GNG4: variants seen among roughly 807,000 people sequenced by gnomAD.
The protein encoded by GNG4 is G protein subunit gamma 4.
In GNG4, 4 loss-of-function variants were observed where a neutral mutation model predicts 5.8. The observed-to-expected ratio is 0.69, with a 90% CI of 0.34 to 1.57. GNG4 has a LOEUF of 1.57. Ranked by LOEUF, GNG4 falls within the 40% of genes most tolerant of loss-of-function variation. The pLI, the probability that GNG4 is intolerant of heterozygous loss-of-function variation, is 0.06. For synonymous variants in GNG4, 29 were observed against 32.9 expected, an observed-to-expected ratio of 0.88 and a Z score of 0.41; for missense variants, 96 against 95.1, an observed-to-expected ratio of 1.01 and a Z score of -0.04.
At chr1:235,624,462 A>G (rs895754612) in intron 1 of GNG4, among the ~76,000 whole-genome samples, 13 of 152,182 alleles carry the variant, frequency 8.5e-5, no homozygotes, top group African/African-American at 3.1e-4. Flanking sequence ...CTATTTTTAC[A>G]AAGTAGAAAG....
intron 2 of GNG4, among the ~76,000 whole-genome samples, chr1:235,585,201 T>C (rs1467542481): frequency 6.7e-6 from 1 of 148,758 alleles, no homozygotes; most frequent in Non-Finnish European, 1.5e-5. Flanking sequence ...CTATGCTTCT[T>C]TTTCCTTTTC....
chr1:235,617,878 C>G (rs1398154381), intron 1 of GNG4, among the ~76,000 whole-genome samples: 1 of 140,352 alleles, frequency 7.1e-6, no homozygotes, highest in African/African-American at 2.6e-5. Flanking sequence ...GAGTGAGACT[C>G]TGCCTCTATC....
At chr1:235,603,598 T>C (rs913892042) in intron 1 of GNG4, among the ~76,000 whole-genome samples, 5 of 152,198 alleles carry the variant, frequency 3.3e-5, no homozygotes, top group African/African-American at 1.2e-4. Context: ...AGTACTGTGA[T>C]AGGCAAGCTT....
At chr1:235,558,378 C>T (rs1284135201) in intron 3 of GNG4, among the ~76,000 whole-genome samples, 1 of 152,288 alleles carries the variant, frequency 6.6e-6, no homozygotes, top group East Asian at 1.9e-4. Context: ...CCTATATAAC[C>T]TTTATAACCA....
chr1:235,631,563 TTTTC>T (rs1170711664), intron 1 of GNG4, among the ~76,000 whole-genome samples: 2 of 134,464 alleles, frequency 1.5e-5, no homozygotes, highest in Admixed American at 8.2e-5. Context: ...TACTTTTTTC[TTTTC>T]TTTCTTTCTT....
At chr1:235,640,924 T>G (rs1165021189) in intron 1 of GNG4, among the ~76,000 whole-genome samples, 1 of 152,198 alleles carries the variant, frequency 6.6e-6, no homozygotes, top group Non-Finnish European at 1.5e-5. Flanking sequence ...CACTTTGGAG[T>G]GAGAAGGGGC....
intron 1 of GNG4, among the ~76,000 whole-genome samples, chr1:235,598,520 G>T (rs1688181607): frequency 1.3e-5 from 2 of 152,094 alleles, no homozygotes; most frequent in Admixed American, 6.6e-5. Context: ...GAGGCAGGAG[G>T]ATCGCCTGAG....
Position 235,548,766 on chromosome 1 carries a change from T to C in GNG4, c.*3343A>G, listed in dbSNP as rs1348593009. ...GACAGTTAAGCTGAAAACACAAAAA[T>C]GACAACTGTCCCCACAGCTGCACTC... On this transcript the variant is annotated 3_prime_UTR_variant, in exon 4 of 4. Transcript: ENST00000391854. 6.6e-6 allele frequency: 1 copy of C among 152,220 alleles called. No individual in the cohort carries two copies. Among genetic ancestry groups the C allele is most frequent in the African/African-American group, 2.4e-5 (1 of 41,436 alleles). 9.4% of individuals were successfully genotyped at this position (152,220 alleles called of 1,614,324 possible). A position where few individuals can be genotyped will look rare whatever the true frequency, so the allele number is the denominator to read the frequency against.
In GNG4 at chr1:235,634,042, T is replaced by C. The variant is rs540515098; in HGVS notation, c.-123+15620A>G. On this transcript the variant is annotated intron_variant, in intron 1 of 3. Coordinates refer to ENST00000391854, the MANE Select transcript of GNG4 (RefSeq NM_001098722.2). Reference sequence around the variant, plus strand: ...GATTCGAAATCAGAGAGAGCTCAGATTGGGGTCCTACAGGATGGCACAGTT... The same window carrying C: ...GATTCGAAATCAGAGAGAGCTCAGACTGGGGTCCTACAGGATGGCACAGTT... 9.2e-5 allele frequency among the ~76,000 whole-genome samples: 14 copies of C among 152,232 alleles called. No homozygotes were observed. The South Asian group carries it at 1.7e-3, about 18-fold the overall frequency.
intron 1 of GNG4, among the ~76,000 whole-genome samples, chr1:235,637,454 A>G (rs923353027): frequency 2.6e-5 from 4 of 151,378 alleles, no homozygotes; most frequent in African/African-American, 9.7e-5. Flanking sequence ...GGAGTTCAAG[A>G]CCAGCCTGGG....
rs10926353 is a variant in GNG4, at chr1:235,648,444, A to C, written c.-123+1218T>G. On this transcript the variant is annotated intron_variant, in intron 1 of 3. Coordinates refer to ENST00000391854, the MANE Select transcript of GNG4 (RefSeq NM_001098722.2). This position sits in a 1 kb window ranked among gnomAD's most constrained non-coding sequence, Gnocchi z 5.0. ...GAAAAGGCTTTCCATTTATCAACTT[A>C]GTTGTCCCCCCAGTCGCCTCTTGCA... Among the ~76,000 whole-genome samples, 42,600 of 152,112 alleles carry C rather than the reference A, an allele frequency of 0.28. 6,624 individuals are homozygous for C. The highest frequency in any genetic ancestry group is 0.42 in the African/African-American group (17,424 of 41,464).
At chr1:235,564,030 A>T (rs934039352) in intron 3 of GNG4, among the ~76,000 whole-genome samples, 1 of 152,214 alleles carries the variant, frequency 6.6e-6, no homozygotes, top group Non-Finnish European at 1.5e-5. Context: ...ATGCTTACCA[A>T]CAGTGGACTG....
intron 1 of GNG4, among the ~76,000 whole-genome samples, chr1:235,618,332 G>A (rs1688639307): frequency 6.6e-6 from 1 of 152,176 alleles, no homozygotes; most frequent in Admixed American, 6.5e-5. Flanking sequence ...AACTGAATAT[G>A]AATATGAATT....
intron 3 of GNG4, among the ~76,000 whole-genome samples, chr1:235,559,956 A>G (rs1459184960): frequency 6.6e-6 from 1 of 152,218 alleles, no homozygotes; most frequent in East Asian, 1.9e-4. Flanking sequence ...TGTTTAGAAT[A>G]TGATTGACCT....
intron 1 of GNG4, chr1:235,616,202 AT>A: frequency 1.9e-6 from 1 of 522,896 alleles, no homozygotes. Context: ...TGCCAACTGA[AT>A]TTTTGTGCTG....
chr1:235,613,096 C>A (rs1040987279), intron 1 of GNG4, among the ~76,000 whole-genome samples: 1 of 151,292 alleles, frequency 6.6e-6, no homozygotes, highest in African/African-American at 2.4e-5. Context: ...GATTTCAACA[C>A]AGAATTTTTT....
At chr1:235,584,642 C>G (rs1053135268) in intron 2 of GNG4, among the ~76,000 whole-genome samples, 4 of 136,924 alleles carry the variant, frequency 2.9e-5, no homozygotes, top group Non-Finnish European at 6.3e-5. Context: ...GTGACTAAGA[C>G]CAGTGTAGTG....
At chr1:235,558,008 T>A (rs1187962598) in intron 3 of GNG4, among the ~76,000 whole-genome samples, 1 of 152,106 alleles carries the variant, frequency 6.6e-6, no homozygotes, top group Non-Finnish European at 1.5e-5. Flanking sequence ...AGAAAACGAG[T>A]TGTTCTTAGA....
intron 3 of GNG4, among the ~76,000 whole-genome samples, chr1:235,571,605 G>T (rs985368268): frequency 6.6e-6 from 1 of 152,136 alleles, no homozygotes; most frequent in Non-Finnish European, 1.5e-5. Context: ...TTTCTATAGG[G>T]AAATTTGATA....
Sources: gnomAD v4.1 joint callset for allele counts (sites outside exome capture counted in the v4.1 genomes callset) on GRCh38, gnomAD v4.1.1 for gene constraint, Gnocchi (gnomAD v3.1) non-coding constraint, MANE v1.5 for transcripts, NCBI Gene and HGNC (gene_info 2026-07-23, HGNC 2026-07-21) for gene names.